PTPRT: variants seen among roughly 807,000 people sequenced by gnomAD.
The protein encoded by PTPRT is protein tyrosine phosphatase receptor type T, also known as receptor-type tyrosine-protein phosphatase T.
In PTPRT, 56 loss-of-function variants were observed where a neutral mutation model predicts 176.8. The observed-to-expected ratio is 0.32, with a 90% CI of 0.26 to 0.40. The LOEUF (loss-of-function observed/expected upper bound fraction) is 0.40. PTPRT is among the 10% of genes least tolerant of loss of function. The pLI, the probability that PTPRT is intolerant of heterozygous loss-of-function variation, is 1.00. For synonymous variants in PTPRT, 783 were observed against 739.0 expected (o/e 1.06, Z -0.96); for missense variants, 1,540 against 1,908.2 (o/e 0.81, Z 3.60).
chr20:42,623,650 G>A (rs1328745580), intron 7 of PTPRT, among the ~76,000 whole-genome samples: 4 of 152,102 alleles, frequency 2.6e-5, no homozygotes, highest in African/African-American at 7.2e-5. Flanking sequence ...TTTTTGCAAA[G>A]CATGTCAACA....
intron 27 of PTPRT, 79 bp downstream of exon 27, chr20:42,098,342 C>G: frequency 1.3e-6 from 2 of 1,565,450 alleles, no homozygotes; most frequent in Non-Finnish European, 1.7e-6. Context: ...TGGCAGGCAC[C>G]GGCTGTCAAG....
At chr20:42,262,096 C>T (rs898856373) in intron 13 of PTPRT, among the ~76,000 whole-genome samples, 10 of 152,226 alleles carry the variant, frequency 6.6e-5, no homozygotes, top group Admixed American at 3.9e-4. Flanking sequence ...GCAGCAAGCA[C>T]GGAATTGATT....
At chr20:42,196,123 T>C (rs1991208752) in intron 16 of PTPRT, among the ~76,000 whole-genome samples, 1 of 152,204 alleles carries the variant, frequency 6.6e-6, no homozygotes, top group African/African-American at 2.4e-5. Context: ...ATCATTTTGC[T>C]TTTAAGAGTC....
intron 7 of PTPRT, among the ~76,000 whole-genome samples, chr20:42,586,951 C>G (rs911777626): frequency 2.0e-5 from 3 of 152,120 alleles, no homozygotes; most frequent in Non-Finnish European, 4.4e-5. Context: ...GTATGTGAGT[C>G]CTGGCTCCCT....
chr20:42,907,229 T>C (rs1006347050), intron 1 of PTPRT, among the ~76,000 whole-genome samples: 2 of 152,010 alleles, frequency 1.3e-5, no homozygotes, highest in African/African-American at 2.4e-5. Flanking sequence ...GTGTCCTAAA[T>C]AGGAGACAAA....
At chr20:43,044,213 A>G (rs558086481) in intron 1 of PTPRT, among the ~76,000 whole-genome samples, 1 of 152,230 alleles carries the variant, frequency 6.6e-6, no homozygotes, top group East Asian at 1.9e-4. Context: ...GCCCAGCAGA[A>G]GGGCAAATCC....
At chr20:42,482,564 T>C (rs1271777354) in intron 7 of PTPRT, among the ~76,000 whole-genome samples, 1 of 152,162 alleles carries the variant, frequency 6.6e-6, no homozygotes, top group Non-Finnish European at 1.5e-5. Flanking sequence ...ATGGTGTATA[T>C]ATTCTAGTGG....
intron 7 of PTPRT, among the ~76,000 whole-genome samples, chr20:42,591,829 A>C (rs1248603747): frequency 6.6e-6 from 1 of 152,100 alleles, no homozygotes; most frequent in Non-Finnish European, 1.5e-5. Context: ...GGGCACAATG[A>C]CCATGGCTTC....
intron 3 of PTPRT, 74 bp downstream of exon 3, chr20:42,791,121 C>T (rs2145544989): frequency 6.7e-7 from 1 of 1,490,808 alleles, no homozygotes; most frequent in Admixed American, 2.3e-5. Context: ...CTAGACCTAG[C>T]ACCTGTAGGG....
Position 42,141,955 on chromosome 20 carries a change from A to C in PTPRT, c.2730T>G (p.Asp910Glu). 2 of 1,614,168 alleles carry C rather than the reference A, an allele frequency of 1.2e-6. No individual in the cohort carries two copies. The highest frequency in any genetic ancestry group is 4.5e-5 in the East Asian group (2 of 44,876). ...CATATCGATTCTTATTGCGGTTTTC[A>C]TCCTCCTTGGCTGTGTCCCACGAAG... ...QTASWDTAKE[D>E]ENRNKNRYGN... Residue 910 changes from aspartate to glutamate, a missense_variant, in exon 18 of 31, where the codon GAT becomes GAG. Coordinates refer to ENST00000373187, the MANE Select transcript of PTPRT (RefSeq NM_007050.6).
intron 13 of PTPRT, among the ~76,000 whole-genome samples, chr20:42,255,175 T>A (rs1460388644): frequency 6.6e-6 from 1 of 152,166 alleles, no homozygotes; most frequent in Non-Finnish European, 1.5e-5. Flanking sequence ...GTCAAAAGCA[T>A]TGGGTTTCAC....
At chr20:42,495,843 A>G (rs1473763778) in intron 7 of PTPRT, among the ~76,000 whole-genome samples, 1 of 152,138 alleles carries the variant, frequency 6.6e-6, no homozygotes, top group Non-Finnish European at 1.5e-5. Context: ...CTTAAAAACT[A>G]CATACAGTTG....
chr20:42,575,907 A>G (rs1298852733), intron 7 of PTPRT, among the ~76,000 whole-genome samples: 1 of 152,006 alleles, frequency 6.6e-6, no homozygotes. Flanking sequence ...TTCTGCTTTC[A>G]CTTTTGTCTC....
chr20:42,609,144 G>A (rs1429966313), intron 7 of PTPRT, among the ~76,000 whole-genome samples: 2 of 152,010 alleles, frequency 1.3e-5, no homozygotes, highest in Non-Finnish European at 2.9e-5. Context: ...CGTGATCTTG[G>A]CTCACTGCAA....
rs11475047 is a variant in PTPRT at position 42,806,482 on chromosome 20, CAAAA to C, written c.215-15020_215-15017del. On this transcript the variant is annotated intron_variant, in intron 2 of 30. Transcript: ENST00000373187. Reference sequence around the variant, plus strand: ...CTGGCGACAGAGCAAGACTCTGTCTCAAAAAAAAAAAAAAAAAAAACCCAAACCT... The same window carrying C: ...CTGGCGACAGAGCAAGACTCTGTCTCAAAAAAAAAAAAAAAACCCAAACCT... Among the ~76,000 whole-genome samples the C allele has an allele frequency of 7.8e-3, 894 of 115,096 alleles. 8 individuals carry two copies. The highest frequency in any genetic ancestry group is 0.024 in the African/African-American group (724 of 29,708). 75.5% of individuals were successfully genotyped at this position (115,096 alleles called of 152,430 possible).
chr20:43,115,466 A>G (rs1388229384), intron 1 of PTPRT, among the ~76,000 whole-genome samples: 1 of 152,128 alleles, frequency 6.6e-6, no homozygotes, highest in Non-Finnish European at 1.5e-5. Context: ...CTTTAATGAT[A>G]CCCCATCGAT....
At chr20:42,983,190 C>T (rs1388733238) in intron 1 of PTPRT, among the ~76,000 whole-genome samples, 1 of 152,178 alleles carries the variant, frequency 6.6e-6, no homozygotes, top group African/African-American at 2.4e-5. Flanking sequence ...CAAAAGAGAC[C>T]CTTAAACATC....
At chr20:42,993,121 A>C (rs1600630259) in intron 1 of PTPRT, among the ~76,000 whole-genome samples, 1 of 152,106 alleles carries the variant, frequency 6.6e-6, no homozygotes, top group East Asian at 1.9e-4. Flanking sequence ...CACGGAACAG[A>C]AAATATGTAT....
At chr20:42,499,439 C>A (rs1416659480) in intron 7 of PTPRT, among the ~76,000 whole-genome samples, 5 of 151,684 alleles carry the variant, frequency 3.3e-5, no homozygotes, top group African/African-American at 1.2e-4. Context: ...TTACAGGCAT[C>A]CACCACCACA....
Sources: allele counts gnomAD v4.1 joint callset (sites outside exome capture counted in the v4.1 genomes callset), GRCh38; gene constraint gnomAD v4.1.1; transcripts MANE v1.5; gene names NCBI Gene and HGNC (gene_info 2026-07-23, HGNC 2026-07-21).